The following NUP98 variants were observed in gnomAD, a reference collection of about 807,000 sequenced individuals.
NUP98 encodes nuclear pore complex protein Nup98-Nup96.
In NUP98, 26 loss-of-function variants were observed where a neutral mutation model predicts 191.9. The ratio of observed to expected loss-of-function variants is 0.14; its 90% CI spans 0.10 to 0.19. The LOEUF is 0.19. NUP98 is among the 10% of genes least tolerant of loss of function. NUP98 has a pLI of 1.00. For missense variants in NUP98, 1,941 were observed against 2,178.8 expected (o/e 0.89, Z 2.17); for synonymous variants, 808 against 778.4 (o/e 1.04, Z -0.63).
intron 28 of NUP98, among the ~76,000 whole-genome samples, chr11:3,687,193 CA>C (rs2078158175): frequency 6.6e-6 from 1 of 152,126 alleles, no homozygotes; most frequent in African/African-American, 2.4e-5. Flanking sequence ...TTCAGCGTCA[CA>C]AACTGCTGGG....
intron 31 of NUP98, 121 bp downstream of exon 31, chr11:3,679,433 C>T: frequency 8.6e-7 from 1 of 1,164,408 alleles, no homozygotes; most frequent in Non-Finnish European, 1.3e-6. Context: ...AAGATGCCTG[C>T]TTTGACAGTG....
In NUP98 at chr11:3,694,076, C is replaced by CAA. The variant is rs35430290; in HGVS notation, c.4168-703_4168-702dup. Among the ~76,000 whole-genome samples, 412 of 110,744 alleles carry CAA rather than the reference C, an allele frequency of 3.7e-3. 9 individuals carry two copies. The East Asian group carries it at 0.059, about 16-fold the overall frequency. The allele number at this position is 110,744 out of a possible 152,430, so 72.7% of individuals were successfully genotyped here. A position where few individuals can be genotyped will look rare whatever the true frequency, so the allele number is the denominator to read the frequency against. On this transcript the variant is annotated intron_variant, in intron 26 of 32. Transcript: ENST00000324932. ...TGAAACCCCGTTTCTATTAAAAATA[C>CAA]AAAAAAAAAAAAAGGCCGGGTGCAG...
chr11:3,705,462 C>G (rs929832345), intron 21 of NUP98, 106 bp from the exon 22 acceptor site: 34 of 1,065,330 alleles, frequency 3.2e-5, no homozygotes, highest in Non-Finnish European at 4.6e-5. Flanking sequence ...CTCCTCAAGG[C>G]TGTGTACAGA....
rs2078429950 is a variant in NUP98 at position 3,694,364 on chromosome 11, C to CT, written c.4168-990dup. On this transcript the variant is annotated intron_variant, in intron 26 of 32. Transcript: ENST00000324932. ...CAGCCTGGACAATAAGAGCGAAACT[C>CT]TATCTCAAAAAACAACAACAACAAC... 2.0e-5 allele frequency among the ~76,000 whole-genome samples: 3 copies of CT among 151,330 alleles called. No homozygotes were observed. The South Asian group carries it at 6.3e-4, about 32-fold the overall frequency.
In NUP98 at chr11:3,779,011, T is replaced by C. The variant is rs368818596; in HGVS notation, c.217A>G (p.Thr73Ala). ...FGTSSFSQPA[T>A]STSTGFGFGT... ...AACCCAAAGCCAGTGCTTGTGGAGG[T>C]AGCTGGCTGGCTAAATGAACTGGTT... Residue 73 changes from threonine to alanine, a missense_variant, in exon 4 of 33, where the codon ACC (threonine) becomes GCC (alanine). Around this residue, in one of 6 missense-constraint regions of NUP98, gnomAD observed 154 missense variants for 182.9 expected, o/e 0.84. Transcript: ENST00000324932. The C allele has an allele frequency of 9.3e-6, 15 of 1,614,022 alleles. No homozygotes were observed. Among genetic ancestry groups the C allele is most frequent in the African/African-American group, 1.3e-5 (1 of 74,898 alleles).
At position 3,713,681 on chromosome 11, in the gene NUP98, T is replaced by G. The variant is rs1299085019; in HGVS notation, c.2577+137A>C. The G allele has an allele frequency of 4.9e-6, 4 of 808,108 alleles. No homozygotes were observed. The African/African-American group carries it at 7.0e-5, about 14-fold the overall frequency. 50.1% of individuals were successfully genotyped at this position (808,108 alleles called of 1,614,324 possible). A position where few individuals can be genotyped will look rare whatever the true frequency, so the allele number is the denominator to read the frequency against. On this transcript the variant is annotated intron_variant, in intron 19 of 32. Transcript: ENST00000324932. ...CTGCAGGGAGCTATGATCCCACCAT[T>G]GTACTCCAGCCTGAGCAACAGAGCA...
chr11:3,760,638 A>G lies in NUP98; in HGVS notation c.1087-12T>C. 1 of 1,604,440 alleles carries G rather than the reference A, an allele frequency of 6.2e-7. No individual in the cohort carries two copies. The highest frequency in any genetic ancestry group is 8.5e-7 in the Non-Finnish European group (1 of 1,174,812). The stretch of plus-strand genomic sequence containing the variant: ...TTGCCAAACAGGGTCTAAAAAGAAT[A>G]GAATACAGGAAAATTTAAAATAATA... On this transcript the variant is annotated splice_polypyrimidine_tract_variant and intron_variant, in intron 9 of 32. Transcript: ENST00000324932.
intron 1 of NUP98, among the ~76,000 whole-genome samples, chr11:3,793,607 A>G (rs1239295042): frequency 2.0e-5 from 3 of 151,564 alleles, no homozygotes. Flanking sequence ...ATTTTTAAGA[A>G]TTTTTCTTTC....
rs758790593 is a variant in NUP98, at chr11:3,725,088, CAG to C, written c.1847+13_1847+14del. The C allele has an allele frequency of 5.2e-6, 6 of 1,157,960 alleles. No individual in the cohort carries two copies. The African/African-American group carries it at 7.6e-5, about 15-fold the overall frequency. 71.7% of individuals were successfully genotyped at this position (1,157,960 alleles called of 1,614,324 possible). On this transcript the variant is annotated intron_variant, in intron 15 of 32. Coordinates refer to ENST00000324932, the MANE Select transcript of NUP98 (RefSeq NM_016320.5). The stretch of plus-strand genomic sequence containing the variant: ...ACTCTCTACTAAGAAGAACTCAAAA[CAG>C]AATTCAGTGTACCTCTCTCCATTTT...
chr11:3,759,164 T>C (rs2081078788), intron 10 of NUP98, among the ~76,000 whole-genome samples: 1 of 152,218 alleles, frequency 6.6e-6, no homozygotes, highest in South Asian at 2.1e-4. Context: ...AATCTATCAG[T>C]GCCTAGTGAT....
At chr11:3,723,102 C>T in intron 16 of NUP98, 55 bp downstream of exon 16, 1 of 1,526,052 alleles carries the variant, frequency 6.6e-7, no homozygotes, top group Non-Finnish European at 9.0e-7. Context: ...CTGCAACAAG[C>T]AAGTCATCTC....
At chr11:3,707,755 T>G (rs1465363930) in intron 20 of NUP98, among the ~76,000 whole-genome samples, 4 of 27,814 alleles carry the variant, frequency 1.4e-4, no homozygotes, top group Non-Finnish European at 2.1e-4. Context: ...AAAAAAAAAA[T>G]CCTGAAGGAG....
At chr11:3,752,130 C>G (rs771117867) in intron 11 of NUP98, among the ~76,000 whole-genome samples, 30 of 139,784 alleles carry the variant, frequency 2.1e-4, no homozygotes, top group Non-Finnish European at 4.3e-4. Flanking sequence ...GGGGACGGAG[C>G]AAGACTCCAT....
intron 1 of NUP98, among the ~76,000 whole-genome samples, chr11:3,783,247 GT>G (rs914968928): frequency 3.3e-5 from 5 of 151,486 alleles, no homozygotes; most frequent in African/African-American, 1.2e-4. Flanking sequence ...AGTTGGACTG[GT>G]GTGGTGACAC....
chr11:3,690,817 G>A (rs1027291492), intron 28 of NUP98, among the ~76,000 whole-genome samples: 4 of 151,680 alleles, frequency 2.6e-5, no homozygotes, highest in Admixed American at 1.3e-4. Flanking sequence ...CAAATGAATA[G>A]ATACATAAAC....
intron 18 of NUP98, 99 bp downstream of exon 18, chr11:3,719,313 A>G: frequency 2.2e-6 from 2 of 928,356 alleles, no homozygotes; most frequent in East Asian, 2.7e-5. Context: ...TATAGTAAGG[A>G]AAGCAAGCTA....
chr11:3,699,361 G>T lies in NUP98; in HGVS notation c.3743-13C>A. 6.2e-7 allele frequency: 1 copy of T among 1,610,542 alleles called. No homozygotes were observed. The highest frequency in any genetic ancestry group is 8.5e-7 in the Non-Finnish European group (1 of 1,176,852). ...CAGTGCTTCACAACTAAGGCAGGAA[G>T]AGAAAAACAATGTTACGAGACAAAG... On this transcript the variant is annotated splice_polypyrimidine_tract_variant and intron_variant, in intron 24 of 32. Transcript: ENST00000324932.
chr11:3,726,847 G>C (rs1462542916), intron 14 of NUP98, among the ~76,000 whole-genome samples: 1 of 150,232 alleles, frequency 6.7e-6, no homozygotes, highest in African/African-American at 2.5e-5. Context: ...CTGCAACCTT[G>C]AATTCCTGGG....
chr11:3,720,832 C>CCAAA lies in NUP98; in HGVS notation c.2147-8_2147-7insTTTG. On this transcript the variant is annotated splice_polypyrimidine_tract_variant and splice_region_variant and intron_variant, in intron 16 of 32. Transcript: ENST00000324932. ...ACCTTAGTGAGAATAATACCTGTGA[C>CCAAA]AAAAAAAAAAAAAAAAACAGAAAAA... 1 of 374,286 alleles carries CCAAA rather than the reference C, an allele frequency of 2.7e-6. No individual in the cohort carries two copies. The highest frequency in any genetic ancestry group is 5.8e-5 in the Admixed American group (1 of 17,140). The allele number at this position is 374,286 out of a possible 1,614,324, so 23.2% of individuals were successfully genotyped here.
Sources: gnomAD v4.1 joint callset for allele counts (sites outside exome capture counted in the v4.1 genomes callset) on GRCh38, gnomAD v4.1.1 for gene constraint, gnomAD v4.1.1 regional missense constraint, MANE v1.5 for transcripts, NCBI Gene and HGNC (gene_info 2026-07-23, HGNC 2026-07-21) for gene names.